Variants in STXBP4 observed in about 807,000 individuals in gnomAD.
STXBP4 encodes the protein syntaxin binding protein 4, also known as syntaxin-binding protein 4.
STXBP4 carries 55 observed loss-of-function variants against 76.1 expected under a neutral mutation model. The observed-to-expected ratio is 0.72, with a 90% CI of 0.58 to 0.91. The LOEUF is 0.91. STXBP4 is among the 40% of genes least tolerant of loss of function. The pLI, the probability that STXBP4 is intolerant of heterozygous loss-of-function variation, is 0.00. For synonymous variants in STXBP4, 201 were observed against 220.2 expected, an observed-to-expected ratio of 0.91 and a Z score of 0.77; for missense variants, 618 against 636.9, an observed-to-expected ratio of 0.97 and a Z score of 0.32.
intron 8 of STXBP4, among the ~76,000 whole-genome samples, chr17:55,019,223 G>A (rs368257778): frequency 3.9e-4 from 59 of 150,528 alleles, no homozygotes; most frequent in African/African-American, 1.3e-3. Context: ...ATTTTATTCC[G>A]CCTTTTTATT....
the STXBP4 span, among the ~76,000 whole-genome samples, chr17:55,211,702 A>G: frequency 6.6e-6 from 1 of 151,272 alleles, no homozygotes; most frequent in Non-Finnish European, 1.5e-5. Flanking sequence ...TGAAATTCAG[A>G]ATCCATTTGA....
At chr17:54,990,429 G>C (rs776827660) in intron 3 of STXBP4, among the ~76,000 whole-genome samples, 1 of 152,112 alleles carries the variant, frequency 6.6e-6, no homozygotes, top group Non-Finnish European at 1.5e-5. Context: ...TCTAGCTTGC[G>C]TGCTCCTTTT....
At chr17:55,066,694 AT>A (rs1186641734) in intron 12 of STXBP4, among the ~76,000 whole-genome samples, 1 of 152,056 alleles carries the variant, frequency 6.6e-6, no homozygotes, top group Non-Finnish European at 1.5e-5. Context: ...TGTAAAAAAG[AT>A]TTTTTAAAAT....
chr17:55,068,243 G>A (rs17818238), intron 12 of STXBP4, among the ~76,000 whole-genome samples: 31,197 of 151,948 alleles, frequency 0.21, 3,385 homozygotes, highest in Middle Eastern at 0.35. Context: ...AAGCTGATAA[G>A]AGAAGTATTC....
chr17:54,972,050 T>C (rs1291394824), intron 1 of STXBP4, among the ~76,000 whole-genome samples: 1 of 152,256 alleles, frequency 6.6e-6, no homozygotes, highest in Non-Finnish European at 1.5e-5. Flanking sequence ...TTAGAGGAGA[T>C]GCTGTGCTTC....
At chr17:55,004,824 G>A (rs904908321) in intron 7 of STXBP4, among the ~76,000 whole-genome samples, 1 of 151,790 alleles carries the variant, frequency 6.6e-6, no homozygotes, top group African/African-American at 2.4e-5. Flanking sequence ...AAGAAGGAGA[G>A]AGAGCCAAGA....
intron 17 of STXBP4, among the ~76,000 whole-genome samples, chr17:55,149,426 A>G (rs2080191120): frequency 6.6e-6 from 1 of 152,202 alleles, no homozygotes; most frequent in Admixed American, 6.6e-5. Context: ...AGTTATTTCA[A>G]TACTCTCTAC....
chr17:55,178,798 A>G, the STXBP4 span, among the ~76,000 whole-genome samples: 1 of 152,194 alleles, frequency 6.6e-6, no homozygotes, highest in Non-Finnish European at 1.5e-5. Flanking sequence ...CAGCTCAAAA[A>G]CAGAGAGAAA....
chr17:55,188,780 T>C, the STXBP4 span, among the ~76,000 whole-genome samples: 3 of 152,236 alleles, frequency 2.0e-5, no homozygotes, highest in South Asian at 4.1e-4. Flanking sequence ...AGAGCAAAAC[T>C]ATGTTCTTAA....
At chr17:55,119,078 T>C (rs1222276972) in intron 16 of STXBP4, among the ~76,000 whole-genome samples, 2 of 151,954 alleles carry the variant, frequency 1.3e-5, no homozygotes, top group Non-Finnish European at 1.5e-5. Flanking sequence ...TTACATTAGG[T>C]ATATCTCCTA....
At chr17:55,070,736 C>A (rs557689617) in intron 12 of STXBP4, among the ~76,000 whole-genome samples, 2 of 152,046 alleles carry the variant, frequency 1.3e-5, no homozygotes, top group Non-Finnish European at 2.9e-5. Context: ...ATCCATTACT[C>A]CCCTATAGCA....
chr17:55,078,108 A>G lies in STXBP4; in HGVS notation c.1219A>G (p.Met407Val), dbSNP rs866011823. 25 of 1,611,052 alleles carry G rather than the reference A, an allele frequency of 1.6e-5. No individual in the cohort carries two copies. In the African/African-American group the frequency reaches 2.3e-4, roughly 15 times the overall value. The change falls in exon 14 of 18, where the codon ATG becomes GTG. Residue 407 changes from methionine (M) to valine (V), a missense_variant. By Grantham distance (21) the Met-to-Val change is conservative. Coordinates refer to ENST00000376352, the MANE Select transcript of STXBP4 (RefSeq NM_178509.6). ...TGTTCAGGATTTAAAAAAGAGAATCATGGTACTCGACTGCCAATTACGAAA... is the reference window on the plus strand; with the variant it reads ...TGTTCAGGATTTAAAAAAGAGAATCGTGGTACTCGACTGCCAATTACGAAA... ...ESVQDLKKRI[M>V]VLDCQLRKSE...
chr17:55,097,496 TA>T (rs1427947058), intron 16 of STXBP4, among the ~76,000 whole-genome samples: 1 of 152,118 alleles, frequency 6.6e-6, no homozygotes, highest in Non-Finnish European at 1.5e-5. Context: ...ACCCCGTCTC[TA>T]CTAAAAATAT....
intron 16 of STXBP4, among the ~76,000 whole-genome samples, chr17:55,120,640 T>C (rs2079833670): frequency 6.6e-6 from 1 of 152,194 alleles, no homozygotes; most frequent in Non-Finnish European, 1.5e-5. Flanking sequence ...CTTGTAGACA[T>C]ACTGGGTAAA....
At chr17:55,186,474 A>G in the STXBP4 span, among the ~76,000 whole-genome samples, 1 of 152,244 alleles carries the variant, frequency 6.6e-6, no homozygotes, top group South Asian at 2.1e-4. Flanking sequence ...GTAGTGTTGT[A>G]AAAGAATAGG....
At chr17:55,131,494 C>G (rs2079973090) in intron 16 of STXBP4, among the ~76,000 whole-genome samples, 1 of 152,166 alleles carries the variant, frequency 6.6e-6, no homozygotes, top group Admixed American at 6.5e-5. Context: ...TTTCTTAGAT[C>G]AAGTGTGTCT....
chr17:55,178,148 C>CA (rs1194817996), downstream of STXBP4, among the ~76,000 whole-genome samples: 1 of 152,204 alleles, frequency 6.6e-6, no homozygotes, highest in Non-Finnish European at 1.5e-5. Context: ...ATCTATTCCA[C>CA]AAGCTGCAAA....
At chr17:55,042,725 A>G (rs957237404) in intron 10 of STXBP4, among the ~76,000 whole-genome samples, 1 of 152,078 alleles carries the variant, frequency 6.6e-6, no homozygotes, top group East Asian at 1.9e-4. Flanking sequence ...TCAATCTACA[A>G]TTTCTGTGCA....
intron 4 of STXBP4, among the ~76,000 whole-genome samples, chr17:54,998,842 A>AT (rs34718481): frequency 0.35 from 53,340 of 150,594 alleles, 10,404 homozygotes; most frequent in East Asian, 0.53. Context: ...TGAAAATTTA[A>AT]TTTTTTTTTT....
Sources: gnomAD v4.1 joint callset for allele counts (sites outside exome capture counted in the v4.1 genomes callset) on GRCh38, gnomAD v4.1.1 for gene constraint, MANE v1.5 for transcripts, NCBI Gene and HGNC (gene_info 2026-07-23, HGNC 2026-07-21) for gene names.